The following LRRFIP2 variants were observed in gnomAD, a reference collection of about 807,000 sequenced individuals.
The protein encoded by LRRFIP2 is LRR binding FLII interacting protein 2.
A neutral mutation model predicts 125.9 loss-of-function variants in LRRFIP2; 109 were observed. That is an observed-to-expected ratio of 0.87 (90% confidence interval 0.74 to 1.01). LRRFIP2 has a LOEUF of 1.01. Ranked by LOEUF, LRRFIP2 falls within the 50% of genes least tolerant of loss-of-function variation. The pLI is 0.00. For synonymous variants in LRRFIP2, 291 were observed against 293.1 expected (o/e 0.99, Z 0.07); for missense variants, 850 against 862.3 (o/e 0.99, Z 0.18).
intron 2 of LRRFIP2, among the ~76,000 whole-genome samples, chr3:37,141,467 G>T (rs58465858): frequency 0.016 from 2,368 of 152,228 alleles, 56 homozygotes; most frequent in African/African-American, 0.043. Context: ...TGTCTATAGA[G>T]CTCTTAGAAG....
At chr3:37,166,097 G>A (rs1171811103) in intron 1 of LRRFIP2, among the ~76,000 whole-genome samples, 1 of 152,104 alleles carries the variant, frequency 6.6e-6, no homozygotes, top group Non-Finnish European at 1.5e-5. Flanking sequence ...CAGCACTTTG[G>A]AAGGCAGGCA....
chr3:37,066,295 A>G lies in LRRFIP2; in HGVS notation c.1495T>C (p.Cys499Arg). ...ALEKQKEYIACLRNERDMLRE... is the reference protein window; with the variant it reads ...ALEKQKEYIARLRNERDMLRE... ...AGCATATCTCGCTCATTCCTAAGGC[A>G]GGCAATGTATTCTTTCTGTTTCTCT... is the stretch of plus-strand genomic sequence containing the variant. Residue 499 changes from cysteine to arginine, a missense_variant, in exon 22 of 28, where the codon TGC becomes CGC. Cys to Arg is a radical substitution (Grantham distance 180). Transcript: ENST00000336686. 1 of 1,614,154 alleles carries G rather than the reference A, an allele frequency of 6.2e-7. No individual in the cohort carries two copies. Among genetic ancestry groups the G allele is most frequent in the Non-Finnish European group, 8.5e-7 (1 of 1,179,970 alleles).
In LRRFIP2 at chr3:37,115,075, T is replaced by C; in HGVS notation, c.351A>G (p.Arg117=). 6.2e-7 allele frequency: 1 copy of C among 1,607,114 alleles called. No homozygotes were observed. ...GSHRYDMFKD[R]SSRLSSLNHS... is the part of the protein sequence containing the mutation. ...ATACTAATGATGAAAGTCTTGATGA[T>C]CTATCCTTGAACATATCATACTGGG... Residue 117 remains arginine, a synonymous_variant, in exon 7 of 28, where the codon AGA becomes AGG. Transcript: ENST00000336686.
At chr3:37,059,338 C>G (rs1196400932) in intron 24 of LRRFIP2, among the ~76,000 whole-genome samples, 2 of 151,852 alleles carry the variant, frequency 1.3e-5, no homozygotes, top group Non-Finnish European at 2.9e-5. Flanking sequence ...ACAGTGAGAC[C>G]TCATCTCTAA....
At chr3:37,128,693 T>G (rs2095350540) in intron 3 of LRRFIP2, among the ~76,000 whole-genome samples, 1 of 152,192 alleles carries the variant, frequency 6.6e-6, no homozygotes, top group African/African-American at 2.4e-5. Context: ...TTTAAAATTG[T>G]AAGTCTGAAT....
chr3:37,173,429 A>G (rs2096613370), intron 1 of LRRFIP2, among the ~76,000 whole-genome samples: 1 of 152,150 alleles, frequency 6.6e-6, no homozygotes, highest in African/African-American at 2.4e-5. Context: ...GGCTCAAGCA[A>G]TCCTTCTGCC....
intron 26 of LRRFIP2, among the ~76,000 whole-genome samples, 187 bp from the exon 27 acceptor site, chr3:37,054,702 A>AT (rs2086299476): frequency 6.6e-6 from 1 of 152,214 alleles, no homozygotes. Flanking sequence ...CCCAGAGAGG[A>AT]TTACAGCTGT....
intron 15 of LRRFIP2, among the ~76,000 whole-genome samples, chr3:37,101,682 A>AAAG (rs1553737790): frequency 1.3e-4 from 19 of 150,252 alleles, no homozygotes; most frequent in South Asian, 2.1e-4. Context: ...AAAAAAAAAA[A>AAAG]AAGAAGAAGA....
intron 19 of LRRFIP2, among the ~76,000 whole-genome samples, chr3:37,077,647 TA>T (rs2092229269): frequency 6.6e-6 from 1 of 152,182 alleles, no homozygotes; most frequent in Non-Finnish European, 1.5e-5. Context: ...CTTCTTCAGA[TA>T]TATTCTTTGT....
chr3:37,121,335 G>A, intron 6 of LRRFIP2, 157 bp downstream of exon 6: 2 of 654,904 alleles, frequency 3.1e-6, no homozygotes, highest in South Asian at 4.0e-5. Context: ...TAATTTGAAA[G>A]AAAGCATCAT....
chr3:37,079,886 G>T (rs1166850227), intron 19 of LRRFIP2, among the ~76,000 whole-genome samples: 1 of 152,140 alleles, frequency 6.6e-6, no homozygotes, highest in African/African-American at 2.4e-5. Context: ...TCTATAGATA[G>T]AAAGTAGATC....
intron 1 of LRRFIP2, among the ~76,000 whole-genome samples, chr3:37,162,548 A>G (rs2096376276): frequency 6.6e-6 from 1 of 152,222 alleles, no homozygotes; most frequent in Non-Finnish European, 1.5e-5. Flanking sequence ...GCATTTTCAG[A>G]CATGAAAGGT....
At chr3:37,161,865 G>A (rs1179772541) in intron 1 of LRRFIP2, among the ~76,000 whole-genome samples, 1 of 151,590 alleles carries the variant, frequency 6.6e-6, no homozygotes, top group Non-Finnish European at 1.5e-5. Context: ...CAGTCCATAG[G>A]GACTAACGTT....
chr3:37,169,155 G>A (rs2096550802), intron 1 of LRRFIP2, among the ~76,000 whole-genome samples: 1 of 152,018 alleles, frequency 6.6e-6, no homozygotes, highest in African/African-American at 2.4e-5. Flanking sequence ...ACTCTATGAT[G>A]TTTGCTTGAC....
chr3:37,156,975 C>T (rs1343881061), intron 1 of LRRFIP2, among the ~76,000 whole-genome samples: 1 of 150,578 alleles, frequency 6.6e-6, no homozygotes, highest in Non-Finnish European at 1.5e-5. Context: ...ACTAAAAATA[C>T]AAAATTAGCT....
intron 18 of LRRFIP2, among the ~76,000 whole-genome samples, chr3:37,090,374 G>A (rs941917521): frequency 3.3e-5 from 5 of 151,920 alleles, no homozygotes; most frequent in Non-Finnish European, 5.9e-5. Context: ...GATTACAGGC[G>A]CCTGCCACCA....
At chr3:37,095,712 C>A (rs970319648) in intron 16 of LRRFIP2, among the ~76,000 whole-genome samples, 15 of 152,294 alleles carry the variant, frequency 9.8e-5, no homozygotes, top group African/African-American at 3.6e-4. Flanking sequence ...TGGCTCACTG[C>A]AACCTCTACC....
At chr3:37,151,111 C>T (rs949788669) in intron 1 of LRRFIP2, among the ~76,000 whole-genome samples, 2 of 152,112 alleles carry the variant, frequency 1.3e-5, no homozygotes, top group African/African-American at 4.8e-5. Context: ...TGTAATACAA[C>T]ACTTTGGGAG....
intron 2 of LRRFIP2, among the ~76,000 whole-genome samples, chr3:37,148,372 G>A (rs1006314336): frequency 1.3e-5 from 2 of 152,168 alleles, no homozygotes; most frequent in African/African-American, 4.8e-5. Flanking sequence ...ACAAGCACCT[G>A]CCCAGGGATT....
Sources: gnomAD v4.1 joint callset for allele counts (sites outside exome capture counted in the v4.1 genomes callset) on GRCh38, gnomAD v4.1.1 for gene constraint, MANE v1.5 for transcripts, NCBI Gene and HGNC (gene_info 2026-07-23, HGNC 2026-07-21) for gene names.